TRANK1: variants seen among roughly 807,000 people sequenced by gnomAD.
The protein encoded by TRANK1 is tetratricopeptide repeat and ankyrin repeat containing 1.
In TRANK1, 198 loss-of-function variants were observed where a neutral mutation model predicts 266.0. The observed-to-expected ratio is 0.74, with a 90% confidence interval of 0.66 to 0.84. TRANK1 has a LOEUF of 0.84. Among genes scored for constraint, TRANK1 ranks in the 40% least tolerant of loss-of-function variants. The pLI is 0.00. For missense variants in TRANK1, 3,326 were observed against 3,634.6 expected (o/e 0.92, Z 2.18); for synonymous variants, 1,396 against 1,384.1 (o/e 1.01, Z -0.19).
chr3:36,907,650 G>A (rs534393651), intron 2 of TRANK1, among the ~76,000 whole-genome samples: 1 of 151,538 alleles, frequency 6.6e-6, no homozygotes, highest in African/African-American at 2.4e-5. Context: ...ATTTTTAATA[G>A]AGATGGGGTT....
In TRANK1 at chr3:36,857,892, C is replaced by T. The variant is rs559929658; in HGVS notation, c.1830G>A (p.Leu610=). The change falls in exon 13 of 24, where the codon CTG becomes CTA. Residue 610 remains leucine (L), a synonymous_variant. Transcript: ENST00000645898. This position sits in a 1 kb window ranked among gnomAD's most constrained non-coding sequence, Gnocchi z 4.3. ...QKGMLKRVKK[L]LDLLVKFDIN... is the part of the protein sequence containing the mutation. The stretch of plus-strand genomic sequence containing the variant: ...TGTCAAACTTCACCAGCAGGTCTAA[C>T]AGCTTCTTCACGCGCTTTAGCATGC... The T allele has an allele frequency of 2.5e-6, 4 of 1,611,662 alleles. No individual in the cohort carries two copies. Among genetic ancestry groups the T allele is most frequent in the Non-Finnish European group, 3.4e-6 (4 of 1,179,856 alleles).
At chr3:36,929,903 T>TGTTGTTGTC (rs1221243806) in intron 1 of TRANK1, among the ~76,000 whole-genome samples, 51 of 152,066 alleles carry the variant, frequency 3.4e-4, no homozygotes, top group African/African-American at 1.2e-3. Context: ...TTGTTGTTGT[T>TGTTGTTGTC]GTTGTTGTTG....
chr3:36,835,175 C>T (rs923043596), intron 20 of TRANK1, among the ~76,000 whole-genome samples: 9 of 151,186 alleles, frequency 6.0e-5, no homozygotes, highest in Middle Eastern at 3.2e-3. Context: ...AAAAATTAGC[C>T]GGGCGTAGTG....
intron 17 of TRANK1, among the ~76,000 whole-genome samples, chr3:36,845,512 T>C (rs923378672): frequency 1.3e-5 from 2 of 152,232 alleles, no homozygotes; most frequent in Non-Finnish European, 2.9e-5. Flanking sequence ...TAGGTATTTG[T>C]ATATATACAC....
chr3:36,892,095 T>C, intron 7 of TRANK1, 107 bp downstream of exon 7: 4 of 1,264,908 alleles, frequency 3.2e-6, no homozygotes, highest in East Asian at 2.6e-5. Context: ...AATATTCAAA[T>C]GGTCTGCATT....
At position 36,831,872 on chromosome 3, in the gene TRANK1, C is replaced by G; in HGVS notation, c.7711G>C (p.Val2571Leu). 1.2e-6 allele frequency: 2 copies of G among 1,614,026 alleles called. No homozygotes were observed. The highest frequency in any genetic ancestry group is 1.7e-6 in the Non-Finnish European group (2 of 1,179,900). Residue 2571 changes from valine to leucine, a missense_variant, in exon 22 of 24, where the codon GTG (valine) becomes CTG (leucine). Coordinates refer to ENST00000645898, the MANE Select transcript of TRANK1 (RefSeq NM_001329998.2). This position sits in a 1 kb window ranked among gnomAD's most constrained non-coding sequence, Gnocchi z 5.0. Reference protein sequence around the residue: ...RTLVLCLVMLVNAEEILQPYC... With the variant: ...RTLVLCLVMLLNAEEILQPYC... ...GGCTGCAGGATCTCCTCAGCATTCA[C>G]TAGCATCACCAAGCACAGCACCAGT...
At chr3:36,944,229 G>A (rs1194185369) in intron 1 of TRANK1, among the ~76,000 whole-genome samples, 3 of 152,168 alleles carry the variant, frequency 2.0e-5, no homozygotes, top group African/African-American at 7.2e-5. Flanking sequence ...CTGATGGACC[G>A]TGCAGTCCAG....
intron 9 of TRANK1, among the ~76,000 whole-genome samples, chr3:36,871,901 A>G (rs2079315195): frequency 6.6e-6 from 1 of 152,312 alleles, no homozygotes; most frequent in South Asian, 2.1e-4. Context: ...ACCCCAACAC[A>G]TGCCCTCTAC....
Position 36,828,217 on chromosome 3 carries a change from G to A in TRANK1, c.*58C>T, listed in dbSNP as rs1180593666. 1 of 1,344,038 alleles carries A rather than the reference G, an allele frequency of 7.4e-7. No homozygotes were observed. Among genetic ancestry groups the A allele is most frequent in the African/African-American group, 1.4e-5 (1 of 69,412 alleles). 83.3% of individuals were successfully genotyped at this position (1,344,038 alleles called of 1,614,324 possible). ...TTTTTGTCTTCTGCCCCAGCGCTCA[G>A]AATTCTAAGTCAGAATGGAATGTTC... On this transcript the variant is annotated 3_prime_UTR_variant, in exon 24 of 24. Coordinates refer to ENST00000645898, the MANE Select transcript of TRANK1 (RefSeq NM_001329998.2).
chr3:36,855,631 G>A lies in TRANK1; in HGVS notation c.4091C>T (p.Pro1364Leu), dbSNP rs759666688. ...LKGSFEALSC[P>L]HGRLTEEVYK... Reference sequence around the variant, plus strand: ...TACTTCTTCAGTGAGTCTCCCATGGGGACAGCTGAGGGCCTCAAAAGAACC... The same window carrying A: ...TACTTCTTCAGTGAGTCTCCCATGGAGACAGCTGAGGGCCTCAAAAGAACC... Residue 1364 changes from proline (P) to leucine (L), a missense_variant, in exon 13 of 24, where the codon CCC becomes CTC. Pro to Leu is a moderately conservative substitution (Grantham distance 98). Coordinates refer to ENST00000645898, the MANE Select transcript of TRANK1 (RefSeq NM_001329998.2). 1.6e-5 allele frequency: 26 copies of A among 1,613,604 alleles called. No individual in the cohort carries two copies. Among genetic ancestry groups the A allele is most frequent in the African/African-American group, 2.7e-5 (2 of 74,812 alleles).
chr3:36,899,002 C>T (rs770458401), intron 4 of TRANK1, 107 bp downstream of exon 4: 10 of 1,236,614 alleles, frequency 8.1e-6, no homozygotes, highest in Non-Finnish European at 1.1e-5. Flanking sequence ...CATAAATCAG[C>T]CACAAAGAAA....
chr3:36,941,620 T>TGG (rs34281749), intron 1 of TRANK1, among the ~76,000 whole-genome samples: 70,940 of 152,012 alleles, frequency 0.47, 17,818 homozygotes, highest in Non-Finnish European at 0.56. Flanking sequence ...CACTCTTGGC[T>TGG]GGGCACTGTG....
At chr3:36,924,635 C>T (rs762852711) in intron 1 of TRANK1, among the ~76,000 whole-genome samples, 2 of 152,148 alleles carry the variant, frequency 1.3e-5, no homozygotes, top group African/African-American at 2.4e-5. Flanking sequence ...AAGAAAGACG[C>T]AGAGACAAAA....
intron 18 of TRANK1, among the ~76,000 whole-genome samples, chr3:36,839,221 C>G (rs746077411): frequency 6.6e-6 from 1 of 152,212 alleles, no homozygotes; most frequent in Admixed American, 6.5e-5. Flanking sequence ...ATCCAGATCC[C>G]TGGGGCATGC....
chr3:36,838,754 T>C lies in TRANK1; in HGVS notation c.5281-38A>G, dbSNP rs760799345. The C allele has an allele frequency of 2.7e-5, 43 of 1,584,572 alleles. No individual in the cohort carries two copies. In the Admixed American group the frequency reaches 3.5e-4, roughly 13 times the overall value. On this transcript the variant is annotated intron_variant, in intron 18 of 23. Transcript: ENST00000645898. ...AAAAGTTTTATTCCCAGCAAGGTAA[T>C]GGAGGTAACAGACAGAACAACGGTT...
At chr3:36,925,597 T>A (rs2080277111) in intron 1 of TRANK1, among the ~76,000 whole-genome samples, 1 of 151,432 alleles carries the variant, frequency 6.6e-6, no homozygotes, top group African/African-American at 2.4e-5. Flanking sequence ...TCTTTCTTTT[T>A]TTTTTTTTTT....
chr3:36,855,329 C>T lies in TRANK1; in HGVS notation c.4393G>A (p.Asp1465Asn). 1 of 1,614,026 alleles carries T rather than the reference C, an allele frequency of 6.2e-7. No homozygotes were observed. The highest frequency in any genetic ancestry group is 8.5e-7 in the Non-Finnish European group (1 of 1,179,890). Residue 1465 changes from aspartate to asparagine, a missense_variant, in exon 13 of 24, where the codon GAC (aspartate) becomes AAC (asparagine). Asp to Asn is a conservative substitution (Grantham distance 23). Transcript: ENST00000645898. ...CCCTTCATGATGCTCTGGGCCGTGT[C>T]CCCCGTGAGGAACATAGAGTTGGGG... Reference protein sequence around the residue: ...NDPNSMFLTGDTAQSIMKGVA... With the variant: ...NDPNSMFLTGNTAQSIMKGVA...
rs2079913373 is a variant in TRANK1, at chr3:36,903,394, C to T, written c.156-119G>A. 3.9e-6 allele frequency: 5 copies of T among 1,272,306 alleles called. No individual in the cohort carries two copies. The East Asian group carries it at 1.3e-4, about 32-fold the overall frequency. 78.8% of individuals were successfully genotyped at this position (1,272,306 alleles called of 1,614,324 possible). A position where few individuals can be genotyped will look rare whatever the true frequency, so the allele number is the denominator to read the frequency against. ...AAGGGGGTTTCAGTAGGAAATGACT[C>T]ATTCATGCTTATCAGATCAGTCTCC... On this transcript the variant is annotated intron_variant, in intron 2 of 23. Coordinates refer to ENST00000645898, the MANE Select transcript of TRANK1 (RefSeq NM_001329998.2).
At chr3:36,834,661 A>C in intron 21 of TRANK1, 101 bp downstream of exon 21, 1 of 1,400,922 alleles carries the variant, frequency 7.1e-7, no homozygotes, top group South Asian at 1.4e-5. Context: ...AATGTGGTCA[A>C]ACCATGTCAG....
Sources: allele counts gnomAD v4.1 joint callset (sites outside exome capture counted in the v4.1 genomes callset), GRCh38; gene constraint gnomAD v4.1.1; non-coding constraint Gnocchi (gnomAD v3.1); transcripts MANE v1.5; gene names NCBI Gene and HGNC (gene_info 2026-07-23, HGNC 2026-07-21).